PCYT1A: variants seen among roughly 807,000 people sequenced by gnomAD.
PCYT1A encodes choline-phosphate cytidylyltransferase A.
A neutral mutation model predicts 43.7 loss-of-function variants in PCYT1A; 25 were observed. The ratio of observed to expected loss-of-function variants is 0.57; its 90% confidence interval spans 0.42 to 0.80. The LOEUF (loss-of-function observed/expected upper bound fraction) is 0.80. Among genes scored for constraint, PCYT1A ranks in the 30% least tolerant of loss-of-function variants. The pLI, the probability that PCYT1A is intolerant of heterozygous loss-of-function variation, is 0.00. For synonymous variants in PCYT1A, 172 were observed against 170.7 expected (o/e 1.01, Z -0.06); for missense variants, 421 against 474.2 (o/e 0.89, Z 1.04).
chr3:196,264,246 T>A (rs1470692361), intron 2 of PCYT1A, among the ~76,000 whole-genome samples: 3 of 152,138 alleles, frequency 2.0e-5, no homozygotes, highest in African/African-American at 7.2e-5. Context: ...ACATCTTTTT[T>A]AAAAATTACA....
intron 2 of PCYT1A, among the ~76,000 whole-genome samples, chr3:196,266,898 C>T (rs933324005): frequency 6.6e-6 from 1 of 151,530 alleles, no homozygotes; most frequent in African/African-American, 2.4e-5. Flanking sequence ...TTGCCGGGCA[C>T]GGTGGCTCAC....
chr3:196,254,019 G>C (rs1351333297), intron 3 of PCYT1A, among the ~76,000 whole-genome samples: 1 of 148,910 alleles, frequency 6.7e-6, no homozygotes, highest in Non-Finnish European at 1.5e-5. Context: ...ATGTTATATA[G>C]ATAGATAGAT....
chr3:196,257,940 G>T, intron 2 of PCYT1A, 53 bp from the exon 3 acceptor site: 4 of 964,940 alleles, frequency 4.1e-6, no homozygotes, highest in Non-Finnish European at 6.4e-6. Flanking sequence ...GGCATACACT[G>T]TAATACTAAA....
At chr3:196,256,662 C>T (rs938716045) in intron 3 of PCYT1A, among the ~76,000 whole-genome samples, 1 of 152,080 alleles carries the variant, frequency 6.6e-6, no homozygotes, top group African/African-American at 2.4e-5. Flanking sequence ...GCCTTAGCCT[C>T]CCGAGTAGCT....
intron 1 of PCYT1A, among the ~76,000 whole-genome samples, chr3:196,276,511 G>A (rs528335920): frequency 5.3e-5 from 8 of 151,996 alleles, no homozygotes; most frequent in Non-Finnish European, 1.2e-4. Flanking sequence ...ACTGAGGCGG[G>A]AGGATCACTT....
Position 196,242,257 on chromosome 3 carries a change from A to C in PCYT1A, c.566-167T>G. On this transcript the variant is annotated intron_variant, in intron 6 of 8. Coordinates refer to ENST00000431016, the MANE Select transcript of PCYT1A (RefSeq NM_001312673.2). This position sits in a 1 kb window ranked among gnomAD's most constrained non-coding sequence, Gnocchi z 4.2. ...TGATATACAGAAGGTAGACCGAATCAAAGGCCAGAGGTAAGGCAAAGAAGA... is the reference window on the plus strand; with the variant it reads ...TGATATACAGAAGGTAGACCGAATCCAAGGCCAGAGGTAAGGCAAAGAAGA... The C allele has an allele frequency of 1.4e-6, 1 of 698,190 alleles. No homozygotes were observed. Among genetic ancestry groups the C allele is most frequent in the Non-Finnish European group, 2.4e-6 (1 of 410,236 alleles). The allele number at this position is 698,190 out of a possible 1,614,324, so 43.2% of individuals were successfully genotyped here.
intron 3 of PCYT1A, among the ~76,000 whole-genome samples, chr3:196,255,275 T>G (rs759639837): frequency 2.0e-5 from 3 of 152,234 alleles, no homozygotes; most frequent in African/African-American, 4.8e-5. Context: ...ATTATTTTGC[T>G]GAAGGCCTTC....
chr3:196,270,374 T>A (rs1159272987), intron 2 of PCYT1A, 41 bp downstream of exon 2: 3 of 1,169,502 alleles, frequency 2.6e-6, no homozygotes, highest in Non-Finnish European at 3.9e-6. Flanking sequence ...CAATGTCATA[T>A]CGGTTTCTAC....
chr3:196,239,817 A>G, intron 7 of PCYT1A, 82 bp from the exon 8 acceptor site: 2 of 887,688 alleles, frequency 2.3e-6, no homozygotes, highest in Non-Finnish European at 3.6e-6. Flanking sequence ...ACATGGCTCA[A>G]GCACTCAATT....
chr3:196,273,347 A>G lies in PCYT1A; in HGVS notation c.-10-2806T>C, dbSNP rs557945217. Among the ~76,000 whole-genome samples the G allele has an allele frequency of 1.3e-4, 19 of 151,904 alleles. 1 individual carries two copies. In the South Asian group the frequency reaches 4.0e-3, roughly 32 times the overall value. On this transcript the variant is annotated intron_variant, in intron 1 of 8. Coordinates refer to ENST00000431016, the MANE Select transcript of PCYT1A (RefSeq NM_001312673.2). The surrounding 1 kb of genome is among the most constrained non-coding windows in gnomAD (Gnocchi z 4.1). ...GTGGCAAGCAGTGGGGGAGGGGAGG[A>G]CGTGTTTCGGCTCTGTTTGTGTTTC...
chr3:196,245,875 C>T (rs1032023595), intron 5 of PCYT1A, among the ~76,000 whole-genome samples: 10 of 151,034 alleles, frequency 6.6e-5, no homozygotes, highest in African/African-American at 2.4e-4. Flanking sequence ...CACTTGAACC[C>T]GGGAGGCGGA....
chr3:196,287,155 C>G (rs1725936819), intron 1 of PCYT1A: 1 of 152,384 alleles, frequency 6.6e-6, no homozygotes, highest in Non-Finnish European at 1.5e-5. Context: ...AATCACACCC[C>G]GTGCCCAAAC....
intron 3 of PCYT1A, among the ~76,000 whole-genome samples, chr3:196,249,870 T>TACACTATGCTGAGGCTGAGGACCAGAA (rs1334302874): frequency 1.3e-5 from 2 of 150,312 alleles, no homozygotes; most frequent in Non-Finnish European, 3.0e-5. Context: ...GAGGACCAGA[T>TACACTATGCTGAGGCTGAGGACCAGAA]ACACTATGCT....
In PCYT1A at chr3:196,240,223, C is replaced by T. The variant is rs751855316; in HGVS notation, c.709-488G>A. ...TTTTCCCCTCTATCACTGGCTTATT[C>T]TATTATTTTAAATGAATTGTGTTTT... On this transcript the variant is annotated intron_variant, in intron 7 of 8. Coordinates refer to ENST00000431016, the MANE Select transcript of PCYT1A (RefSeq NM_001312673.2). 5.3e-5 allele frequency among the ~76,000 whole-genome samples: 8 copies of T among 152,054 alleles called. 1 individual carries two copies. In the South Asian group the frequency reaches 1.7e-3, roughly 31 times the overall value.
chr3:196,287,268 C>T (rs1428379267), intron 1 of PCYT1A: 1 of 152,534 alleles, frequency 6.6e-6, no homozygotes, highest in African/African-American at 2.4e-5. Flanking sequence ...GGCCGCTGCT[C>T]GTGTTCCCTT....
At chr3:196,262,191 G>T (rs2108773990) in intron 2 of PCYT1A, among the ~76,000 whole-genome samples, 1 of 152,272 alleles carries the variant, frequency 6.6e-6, no homozygotes, top group Admixed American at 6.5e-5. Flanking sequence ...ATCTGGTAGT[G>T]AGGTATAAAT....
rs141475735 is a variant in PCYT1A at position 196,247,505 on chromosome 3, C to T, written c.348G>A (p.Glu116=). ...TGAAGCCTTTGAAGTTGTGTGTGAG[C>T]TCATCACTGCAAACTGGTTCACCAC... The part of the protein sequence containing the change: ...TYLIVGVCSD[E]LTHNFKGFTV... The change falls in exon 5 of 9, where the codon GAG becomes GAA. Residue 116 remains glutamate (E), a synonymous_variant. Coordinates refer to ENST00000431016, the MANE Select transcript of PCYT1A (RefSeq NM_001312673.2). The surrounding 1 kb of genome is among the most constrained non-coding windows in gnomAD (Gnocchi z 4.8). The T allele has an allele frequency of 1.8e-4, 287 of 1,614,122 alleles. No individual in the cohort carries two copies. The Middle Eastern group carries it at 2.3e-3, about 13-fold the overall frequency.
intron 5 of PCYT1A, among the ~76,000 whole-genome samples, chr3:196,244,963 C>A (rs1724513583): frequency 6.6e-6 from 1 of 152,180 alleles, no homozygotes; most frequent in Non-Finnish European, 1.5e-5. Flanking sequence ...CAGAAGGCCG[C>A]AGGGCCCTCT....
intron 3 of PCYT1A, among the ~76,000 whole-genome samples, chr3:196,249,014 C>T (rs1724663918): frequency 6.6e-6 from 1 of 152,118 alleles, no homozygotes; most frequent in Admixed American, 6.6e-5. Flanking sequence ...CCCGCCTAAG[C>T]CTCCCAAAGT....
Sources: allele counts gnomAD v4.1 joint callset (sites outside exome capture counted in the v4.1 genomes callset), GRCh38; gene constraint gnomAD v4.1.1; non-coding constraint Gnocchi (gnomAD v3.1); transcripts MANE v1.5; gene names NCBI Gene and HGNC (gene_info 2026-07-23, HGNC 2026-07-21).